CFAP299: variants seen among roughly 807,000 people sequenced by gnomAD.
The protein encoded by CFAP299 is cilia- and flagella-associated protein 299.
CFAP299 carries 21 observed loss-of-function variants against 27.0 expected under a neutral mutation model. That is an observed-to-expected ratio of 0.78 (90% CI 0.55 to 1.12). CFAP299 has a LOEUF of 1.12. Among genes scored for constraint, CFAP299 ranks in the 50% most tolerant of loss-of-function variants. CFAP299 has a pLI of 0.00. For synonymous variants in CFAP299, 104 were observed against 98.1 expected, an observed-to-expected ratio of 1.06 and a Z score of -0.36; for missense variants, 310 against 276.6, an observed-to-expected ratio of 1.12 and a Z score of -0.86.
intron 3 of CFAP299, among the ~76,000 whole-genome samples, chr4:80,668,243 C>T (rs1741245546): frequency 1.3e-5 from 2 of 151,554 alleles, no homozygotes; most frequent in Non-Finnish European, 2.9e-5. Context: ...AATATTTTCT[C>T]CCATTCTGTG....
intron 3 of CFAP299, among the ~76,000 whole-genome samples, chr4:80,854,810 G>GAAAAAAAAAA (rs58533748): frequency 2.3e-5 from 1 of 43,378 alleles, no homozygotes; most frequent in African/African-American, 7.3e-5. Context: ...CTGTTGCTAT[G>GAAAAAAAAAA]AAAAAAAAAA....
At chr4:80,830,994 G>T (rs572256604) in intron 3 of CFAP299, among the ~76,000 whole-genome samples, 166 of 152,022 alleles carry the variant, frequency 1.1e-3, no homozygotes, top group African/African-American at 3.8e-3. Context: ...AGAAATGTTG[G>T]CTAACATGTT....
rs367599572 is a variant in CFAP299, at chr4:80,439,308, G to A, written c.242+76424G>A. Among the ~76,000 whole-genome samples, 20 of 152,298 alleles carry A rather than the reference G, an allele frequency of 1.3e-4. 1 individual carries two copies. The highest frequency in any genetic ancestry group is 3.9e-4 in the Admixed American group (6 of 15,292). On this transcript the variant is annotated intron_variant, in intron 2 of 5. Transcript: ENST00000358105. ...GTCTGCAGCTCCCAGGGAGACCAAC[G>A]CAGAAGGCAGGTGATTTCTGCATTT...
intron 3 of CFAP299, among the ~76,000 whole-genome samples, chr4:80,842,797 A>C (rs1248247303): frequency 6.6e-6 from 1 of 152,088 alleles, no homozygotes; most frequent in Non-Finnish European, 1.5e-5. Context: ...ACTAGCCTGA[A>C]ATGTTCATTT....
At chr4:80,735,413 T>G (rs1281469142) in intron 3 of CFAP299, among the ~76,000 whole-genome samples, 2 of 152,122 alleles carry the variant, frequency 1.3e-5, no homozygotes. Flanking sequence ...TCTTTTCCAA[T>G]TTGGATGTTC....
chr4:80,945,784 A>G (rs376142501), intron 5 of CFAP299, among the ~76,000 whole-genome samples: 2 of 152,160 alleles, frequency 1.3e-5, no homozygotes, highest in South Asian at 2.1e-4. Flanking sequence ...AAACTTTTCC[A>G]AAAGTTTTTA....
intron 3 of CFAP299, among the ~76,000 whole-genome samples, chr4:80,865,610 T>C: frequency 6.6e-6 from 1 of 152,298 alleles, no homozygotes; most frequent in Non-Finnish European, 1.5e-5. Flanking sequence ...TAATAAAGCA[T>C]TGTGTTCATT....
chr4:80,387,285 G>A, intron 2 of CFAP299: 2 of 1,611,338 alleles, frequency 1.2e-6, no homozygotes, highest in South Asian at 1.1e-5. Context: ...CTCTTGATGT[G>A]CTCCAGAAAT....
intron 2 of CFAP299, among the ~76,000 whole-genome samples, chr4:80,506,718 A>G (rs1732056643): frequency 6.6e-6 from 1 of 152,138 alleles, no homozygotes; most frequent in African/African-American, 2.4e-5. Flanking sequence ...CTAATCTCAG[A>G]TAGCTAATTC....
intron 4 of CFAP299, among the ~76,000 whole-genome samples, chr4:80,889,253 A>G (rs1268886716): frequency 6.6e-6 from 1 of 151,906 alleles, no homozygotes; most frequent in Non-Finnish European, 1.5e-5. Context: ...AGAAAAAGAG[A>G]GAGAAGCCTC....
intron 3 of CFAP299, among the ~76,000 whole-genome samples, chr4:80,670,677 C>T (rs772482288): frequency 2.6e-5 from 4 of 152,138 alleles, no homozygotes; most frequent in Non-Finnish European, 4.4e-5. Flanking sequence ...TAATGATCAC[C>T]ATTCTAACTG....
chr4:80,734,277 G>A (rs1367898371), intron 3 of CFAP299, among the ~76,000 whole-genome samples: 1 of 152,084 alleles, frequency 6.6e-6, no homozygotes. Flanking sequence ...TTTGAGAAAT[G>A]TCTATTCAAA....
At chr4:80,769,979 A>T (rs1726117113) in intron 3 of CFAP299, among the ~76,000 whole-genome samples, 1 of 152,132 alleles carries the variant, frequency 6.6e-6, no homozygotes, top group Non-Finnish European at 1.5e-5. Flanking sequence ...CTAGTTTCTT[A>T]GTTCCACCCT....
chr4:80,421,352 C>G (rs1406153336), intron 2 of CFAP299, among the ~76,000 whole-genome samples: 1 of 152,196 alleles, frequency 6.6e-6, no homozygotes, highest in Non-Finnish European at 1.5e-5. Context: ...TGCAACTTCT[C>G]TTAAGCATTT....
Position 80,762,047 on chromosome 4 carries a change from C to A in CFAP299, c.334-107946C>A, listed in dbSNP as rs926679783. Among the ~76,000 whole-genome samples, 5 of 151,920 alleles carry A rather than the reference C, an allele frequency of 3.3e-5. No individual in the cohort carries two copies. In the South Asian group the frequency reaches 8.3e-4, roughly 25 times the overall value. On this transcript the variant is annotated intron_variant, in intron 3 of 5. Transcript: ENST00000358105. ...GTTTGGGATTCAAATATAATAAAAG[C>A]ATAACTTTAAATCAACAGGTAATGG...
chr4:80,496,065 C>T (rs1429852395), intron 2 of CFAP299, among the ~76,000 whole-genome samples: 1 of 152,226 alleles, frequency 6.6e-6, no homozygotes, highest in Non-Finnish European at 1.5e-5. Context: ...TTCCCATTGT[C>T]TTGCCTATTA....
intron 3 of CFAP299, among the ~76,000 whole-genome samples, chr4:80,738,558 T>C (rs1204882604): frequency 6.6e-6 from 1 of 152,076 alleles, no homozygotes; most frequent in East Asian, 1.9e-4. Context: ...GCTCCTGCTC[T>C]TTTCTGGTTT....
At chr4:80,582,381 C>T (rs1560637020) in intron 2 of CFAP299, among the ~76,000 whole-genome samples, 2 of 151,784 alleles carry the variant, frequency 1.3e-5, no homozygotes, top group Admixed American at 1.3e-4. Context: ...ATGTCTTGTG[C>T]ATCATTGTGC....
chr4:80,912,172 C>A (rs1297102866), intron 4 of CFAP299, among the ~76,000 whole-genome samples: 1 of 151,946 alleles, frequency 6.6e-6, no homozygotes, highest in African/African-American at 2.4e-5. Context: ...CATGCTAGTG[C>A]CTAATAGAAA....
Sources: allele counts gnomAD v4.1 joint callset (sites outside exome capture counted in the v4.1 genomes callset), GRCh38; gene constraint gnomAD v4.1.1; transcripts MANE v1.5; gene names NCBI Gene and HGNC (gene_info 2026-07-23, HGNC 2026-07-21).